The following MIPOL1 variants were observed in gnomAD, a reference collection of about 807,000 sequenced individuals.
MIPOL1 encodes mirror-image polydactyly gene 1 protein.
MIPOL1 carries 57 observed loss-of-function variants against 60.9 expected under a neutral mutation model. The ratio of observed to expected loss-of-function variants is 0.94; its 90% CI spans 0.76 to 1.17. MIPOL1 has a LOEUF of 1.17. Among genes scored for constraint, MIPOL1 ranks in the 50% most tolerant of loss-of-function variants. MIPOL1 has a pLI of 0.00. For missense variants in MIPOL1, 551 were observed against 511.6 expected (o/e 1.08, Z -0.74); for synonymous variants, 179 against 168.8 (o/e 1.06, Z -0.47).
At chr14:37,361,707 A>C (rs185172324) in intron 9 of MIPOL1, among the ~76,000 whole-genome samples, 195 of 134,260 alleles carry the variant, frequency 1.5e-3, no homozygotes, top group African/African-American at 5.1e-3. Context: ...CCCCGGGTTC[A>C]TGCCATTCTC....
intron 10 of MIPOL1, among the ~76,000 whole-genome samples, chr14:37,417,991 G>A (rs1445605331): frequency 2.6e-5 from 4 of 151,958 alleles, no homozygotes; most frequent in South Asian, 2.1e-4. Flanking sequence ...GTAAGGTTCC[G>A]TATTACCTCT....
chr14:37,308,144 A>G (rs748394138), intron 8 of MIPOL1, 55 bp downstream of exon 8: 12 of 1,521,870 alleles, frequency 7.9e-6, no homozygotes, highest in Non-Finnish European at 1.1e-5. Context: ...TTAGAGGCTT[A>G]AGTTCAATTG....
chr14:37,313,329 T>G (rs913985258), intron 9 of MIPOL1, among the ~76,000 whole-genome samples: 1 of 152,150 alleles, frequency 6.6e-6, no homozygotes, highest in African/African-American at 2.4e-5. Flanking sequence ...ATTCAAGTAA[T>G]TATTCCTAGA....
intron 1 of MIPOL1, among the ~76,000 whole-genome samples, chr14:37,240,953 A>G (rs2153345475): frequency 6.6e-6 from 1 of 151,942 alleles, no homozygotes; most frequent in South Asian, 2.1e-4. Context: ...ACACACACAC[A>G]CACACACACA....
At chr14:37,463,235 C>T (rs1231938479) in intron 11 of MIPOL1, among the ~76,000 whole-genome samples, 8 of 152,130 alleles carry the variant, frequency 5.3e-5, no homozygotes, top group African/African-American at 1.9e-4. Flanking sequence ...ACCATCAGAT[C>T]TCATGAGACC....
Position 37,550,998 on chromosome 14 carries a change from A to C in MIPOL1, c.*4027A>C, listed in dbSNP as rs944364122. The C allele has an allele frequency of 3.3e-5, 5 of 152,256 alleles. No homozygotes were observed. Among genetic ancestry groups the C allele is most frequent in the Admixed American group, 6.5e-5 (1 of 15,294 alleles). 9.4% of individuals were successfully genotyped at this position (152,256 alleles called of 1,614,324 possible). A position where few individuals can be genotyped will look rare whatever the true frequency, so the allele number is the denominator to read the frequency against. On this transcript the variant is annotated 3_prime_UTR_variant, in exon 13 of 13. Transcript: ENST00000684589. ...GAATTATTTAATGTAGGACTTCATAAATAGTATTTGACAATGATAAATGTG... is the reference window on the plus strand; with the variant it reads ...GAATTATTTAATGTAGGACTTCATACATAGTATTTGACAATGATAAATGTG...
At chr14:37,539,410 A>G (rs899110533) in intron 12 of MIPOL1, among the ~76,000 whole-genome samples, 5 of 152,172 alleles carry the variant, frequency 3.3e-5, no homozygotes, top group Middle Eastern at 3.2e-3. Flanking sequence ...TTTTGCCCCA[A>G]CGCTCAGTCT....
At chr14:37,346,193 G>A (rs1317334474) in intron 9 of MIPOL1, among the ~76,000 whole-genome samples, 7 of 152,118 alleles carry the variant, frequency 4.6e-5, no homozygotes, top group African/African-American at 9.7e-5. Context: ...GCCAGGTGTG[G>A]TAGTGCACAC....
At chr14:37,443,690 T>C (rs1409653540) in intron 11 of MIPOL1, among the ~76,000 whole-genome samples, 1 of 146,060 alleles carries the variant, frequency 6.8e-6, no homozygotes, top group African/African-American at 2.6e-5. Context: ...GTATGAAAAC[T>C]AGATGAGGGC....
intron 11 of MIPOL1, among the ~76,000 whole-genome samples, chr14:37,455,457 C>T (rs1293295917): frequency 7.2e-5 from 11 of 152,022 alleles, no homozygotes; most frequent in Non-Finnish European, 1.6e-4. Flanking sequence ...GTTTTAAAGC[C>T]TTCTCATTAT....
intron 9 of MIPOL1, among the ~76,000 whole-genome samples, chr14:37,337,287 T>A (rs1346648120): frequency 7.0e-6 from 1 of 143,714 alleles, no homozygotes; most frequent in Admixed American, 7.0e-5. Flanking sequence ...TGGCTAATGA[T>A]GTTGAATGCC....
chr14:37,360,822 G>A (rs1199713737), intron 9 of MIPOL1, among the ~76,000 whole-genome samples: 2 of 152,038 alleles, frequency 1.3e-5, no homozygotes, highest in African/African-American at 4.8e-5. Flanking sequence ...ATTTCTTTCA[G>A]TTCTGCTCTG....
chr14:37,475,625 C>T (rs538102081), intron 11 of MIPOL1, among the ~76,000 whole-genome samples: 1 of 151,960 alleles, frequency 6.6e-6, no homozygotes. Context: ...TGTCTAGATT[C>T]ATTTTTTCAT....
chr14:37,243,060 T>C (rs1972603428), intron 1 of MIPOL1, among the ~76,000 whole-genome samples: 1 of 152,232 alleles, frequency 6.6e-6, no homozygotes, highest in Non-Finnish European at 1.5e-5. Context: ...CATAAGTATT[T>C]GTTCTTACAA....
chr14:37,536,064 C>G (rs557701445), intron 12 of MIPOL1, among the ~76,000 whole-genome samples: 1 of 152,244 alleles, frequency 6.6e-6, no homozygotes, highest in Non-Finnish European at 1.5e-5. Context: ...ACCACCATAC[C>G]TGGCTGATAA....
At chr14:37,410,407 C>CCCAA (rs1197606156) in intron 10 of MIPOL1, among the ~76,000 whole-genome samples, 4 of 151,758 alleles carry the variant, frequency 2.6e-5, no homozygotes, top group African/African-American at 9.7e-5. Context: ...AAATTACATA[C>CCCAA]CCAACATGAA....
intron 9 of MIPOL1, among the ~76,000 whole-genome samples, chr14:37,334,858 G>T (rs537244509): frequency 1.4e-4 from 22 of 151,920 alleles, no homozygotes; most frequent in African/African-American, 5.1e-4. Context: ...TTGCAAAATT[G>T]ATCATTTTTA....
At chr14:37,239,048 ATTTTTT>A (rs569559063) in intron 1 of MIPOL1, among the ~76,000 whole-genome samples, 3 of 134,154 alleles carry the variant, frequency 2.2e-5, no homozygotes, top group African/African-American at 8.8e-5. Context: ...ACATTGCTTA[ATTTTTT>A]TTTTTTTTTT....
At chr14:37,363,445 T>G (rs2153488236) in intron 9 of MIPOL1, among the ~76,000 whole-genome samples, 1 of 152,346 alleles carries the variant, frequency 6.6e-6, no homozygotes, top group East Asian at 1.9e-4. Context: ...CAGTGGAGGC[T>G]GCAGAACAGT....
Sources: allele counts gnomAD v4.1 joint callset (sites outside exome capture counted in the v4.1 genomes callset), GRCh38; gene constraint gnomAD v4.1.1; transcripts MANE v1.5; gene names NCBI Gene and HGNC (gene_info 2026-07-23, HGNC 2026-07-21).